Variants in GLMN observed in about 807,000 individuals in gnomAD.
The protein encoded by GLMN is glomulin, FKBP associated protein, also known as glomulin.
Under a neutral mutation model 87.8 loss-of-function variants are expected in GLMN, and 75 were observed. The ratio of observed to expected loss-of-function variants is 0.85; its 90% CI spans 0.71 to 1.04. The LOEUF is 1.04. GLMN is among the 50% of genes least tolerant of loss of function. GLMN has a pLI of 0.00. For synonymous variants in GLMN, 206 were observed against 221.6 expected (o/e 0.93, Z 0.63); for missense variants, 588 against 658.8 (o/e 0.89, Z 1.18).
upstream of GLMN, among the ~76,000 whole-genome samples, chr1:92,302,322 A>G (rs927323263): frequency 2.0e-5 from 3 of 148,446 alleles, no homozygotes; most frequent in African/African-American, 7.6e-5. Context: ...AAAAATGAGG[A>G]TGGGGGAGAA....
chr1:92,349,785 A>G, the GLMN span, among the ~76,000 whole-genome samples: 4 of 152,286 alleles, frequency 2.6e-5, no homozygotes, highest in African/African-American at 9.6e-5. Context: ...AACATTAGCC[A>G]GGCACAGTGG....
At chr1:92,275,680 T>C (rs1214857015) in intron 7 of GLMN, among the ~76,000 whole-genome samples, 1 of 152,250 alleles carries the variant, frequency 6.6e-6, no homozygotes, top group Non-Finnish European at 1.5e-5. Flanking sequence ...GTACTTACAC[T>C]GTTCTTGCTA....
chr1:92,326,286 T>G, the GLMN span, among the ~76,000 whole-genome samples: 16 of 152,232 alleles, frequency 1.1e-4, no homozygotes, highest in Non-Finnish European at 1.8e-4. Context: ...ATTTGCTTAT[T>G]GACCACTTGG....
chr1:92,254,419 A>C (rs1331599661), intron 16 of GLMN, among the ~76,000 whole-genome samples: 4 of 152,130 alleles, frequency 2.6e-5, no homozygotes, highest in Non-Finnish European at 4.4e-5. Flanking sequence ...TACAGAGAAC[A>C]CCACAAAGAT....
chr1:92,273,701 C>A (rs1477198955), intron 7 of GLMN, among the ~76,000 whole-genome samples: 1 of 151,938 alleles, frequency 6.6e-6, no homozygotes, highest in Non-Finnish European at 1.5e-5. Context: ...AGTGATCTGC[C>A]CACCTTGGCC....
At chr1:92,294,514 T>G (rs1482596140) in intron 3 of GLMN, among the ~76,000 whole-genome samples, 1 of 152,246 alleles carries the variant, frequency 6.6e-6, no homozygotes, top group Non-Finnish European at 1.5e-5. Context: ...ACAATTATAA[T>G]ATACTGTAAT....
the GLMN span, among the ~76,000 whole-genome samples, chr1:92,312,276 G>A: frequency 6.6e-6 from 1 of 152,128 alleles, no homozygotes; most frequent in African/African-American, 2.4e-5. Context: ...AATTAGCTGG[G>A]TGTGGTGGCA....
At chr1:92,357,094 TACACACACAC>T in the GLMN span, among the ~76,000 whole-genome samples, 3 of 144,842 alleles carry the variant, frequency 2.1e-5, no homozygotes, top group Non-Finnish European at 3.0e-5. Flanking sequence ...AAGGATTACA[TACACACACAC>T]ACACACACAC....
At chr1:92,302,028 C>A (rs1317478413), upstream of GLMN, among the ~76,000 whole-genome samples, 1 of 152,110 alleles carries the variant, frequency 6.6e-6, no homozygotes, top group Non-Finnish European at 1.5e-5. Context: ...CTCATGTAAT[C>A]CCAGCACTTT....
the GLMN span, chr1:92,336,493 CA>C: frequency 9.2e-7 from 1 of 1,082,376 alleles, no homozygotes; most frequent in South Asian, 1.3e-5. Context: ...TTGCAGAATC[CA>C]AAGGCACAGA....
the GLMN span, among the ~76,000 whole-genome samples, chr1:92,311,639 G>T: frequency 6.6e-6 from 1 of 152,060 alleles, no homozygotes; most frequent in East Asian, 1.9e-4. Flanking sequence ...GACCTAATTT[G>T]GTCTTTCTTA....
At chr1:92,311,510 G>A in the GLMN span, among the ~76,000 whole-genome samples, 2 of 152,314 alleles carry the variant, frequency 1.3e-5, no homozygotes, top group South Asian at 4.1e-4. Flanking sequence ...GTAGATCAAA[G>A]CTTTTAAATT....
intron 13 of GLMN, among the ~76,000 whole-genome samples, chr1:92,265,890 C>CTGTA (rs2100888938): frequency 6.6e-6 from 1 of 152,336 alleles, no homozygotes; most frequent in East Asian, 1.9e-4. Flanking sequence ...GCAACAGAGA[C>CTGTA]TGTATAGCCC....
At chr1:92,355,823 T>C in the GLMN span, among the ~76,000 whole-genome samples, 2 of 152,182 alleles carry the variant, frequency 1.3e-5, no homozygotes, top group African/African-American at 4.8e-5. Context: ...AACCGGTAAG[T>C]ATAATGCAAG....
chr1:92,322,535 C>T, the GLMN span, among the ~76,000 whole-genome samples: 12 of 151,494 alleles, frequency 7.9e-5, no homozygotes, highest in African/African-American at 2.9e-4. Context: ...CAGAGCAAGA[C>T]TCCATCTCAA....
chr1:92,299,176 G>A, upstream of GLMN: 1 of 1,382,328 alleles, frequency 7.2e-7, no homozygotes, highest in Non-Finnish European at 9.7e-7. Flanking sequence ...CCCACTTTTG[G>A]ACCCTGAAAG....
At chr1:92,259,293 G>A (rs989177551) in intron 16 of GLMN, among the ~76,000 whole-genome samples, 1 of 151,998 alleles carries the variant, frequency 6.6e-6, no homozygotes, top group Non-Finnish European at 1.5e-5. Context: ...ATAATATTTG[G>A]TATAAAAACT....
intron 9 of GLMN, among the ~76,000 whole-genome samples, chr1:92,268,913 T>A (rs534122742): frequency 0.033 from 3,157 of 96,364 alleles, 67 homozygotes; most frequent in Admixed American, 0.11. Context: ...CTCTGTAATT[T>A]CCTTTTTTTT....
chr1:92,294,785 C>A (rs1286882300), intron 3 of GLMN, among the ~76,000 whole-genome samples: 1 of 152,004 alleles, frequency 6.6e-6, no homozygotes, highest in African/African-American at 2.4e-5. Flanking sequence ...TTCAAGCAAT[C>A]CCCCCATCTC....
Sources: gnomAD v4.1 joint callset for allele counts (sites outside exome capture counted in the v4.1 genomes callset) on GRCh38, gnomAD v4.1.1 for gene constraint, MANE v1.5 for transcripts, NCBI Gene and HGNC (gene_info 2026-07-23, HGNC 2026-07-21) for gene names.